Variants in ANGPTL7 observed in about 807,000 individuals in gnomAD.
ANGPTL7 encodes the protein angiopoietin-related protein 7.
Under a neutral mutation model 38.8 loss-of-function variants are expected in ANGPTL7, and 37 were observed. The ratio of observed to expected loss-of-function variants is 0.95; its 90% confidence interval spans 0.73 to 1.25. The LOEUF (loss-of-function observed/expected upper bound fraction) is 1.25. Ranked by LOEUF, ANGPTL7 falls within the 50% of genes most tolerant of loss-of-function variation. ANGPTL7 has a pLI of 0.00. For missense variants in ANGPTL7, 427 were observed against 438.6 expected, an observed-to-expected ratio of 0.97 and a Z score of 0.24; for synonymous variants, 166 against 163.2, an observed-to-expected ratio of 1.02 and a Z score of -0.13.
intron 3 of ANGPTL7, 85 bp from the exon 4 acceptor site, chr1:11,194,376 T>C (rs1009498669): frequency 7.9e-7 from 1 of 1,271,546 alleles, no homozygotes; most frequent in African/African-American, 1.5e-5. Context: ...TGTTTGGCTA[T>C]GGGACTGTCA....
chr1:11,192,586 T>C (rs1390396425), intron 2 of ANGPTL7, among the ~76,000 whole-genome samples: 1 of 151,664 alleles, frequency 6.6e-6, no homozygotes, highest in Non-Finnish European at 1.5e-5. Context: ...TGAAACCCTG[T>C]CTCTACTAAA....
chr1:11,189,532 TC>T lies in ANGPTL7; in HGVS notation c.-46del. ...GCTTTGCAGACCTCAGCTGGGCATC[TC>T]CAGACTCCCCTGAAGGAAGAGCCTT... is the stretch of plus-strand genomic sequence containing the variant. On this transcript the variant is annotated 5_prime_UTR_variant, in exon 1 of 5. Transcript: ENST00000376819. 6.5e-7 allele frequency: 1 copy of T among 1,538,976 alleles called. No homozygotes were observed. Among genetic ancestry groups the T allele is most frequent in the Non-Finnish European group, 8.7e-7 (1 of 1,147,076 alleles).
rs1645639756 is a variant in ANGPTL7, at chr1:11,193,571, C to T, written c.478-9C>T. On this transcript the variant is annotated splice_polypyrimidine_tract_variant and intron_variant, in intron 2 of 4. Transcript: ENST00000376819. ...CAAGTCCCTCACCAGAGTATCCCCT[C>T]TGCTTCAGGTGTTCTGTGACATGGA... 6.4e-7 allele frequency: 1 copy of T among 1,571,874 alleles called. No individual in the cohort carries two copies.
chr1:11,193,528 T>C (rs1280723130), intron 2 of ANGPTL7, 52 bp from the exon 3 acceptor site: 4 of 1,518,690 alleles, frequency 2.6e-6, no homozygotes, highest in Middle Eastern at 1.8e-4. Flanking sequence ...GCCCTCTTGC[T>C]CCTGCCTTCT....
At chr1:11,192,622 G>T (rs1281896843) in intron 2 of ANGPTL7, among the ~76,000 whole-genome samples, 2 of 151,874 alleles carry the variant, frequency 1.3e-5, no homozygotes, top group African/African-American at 4.8e-5. Flanking sequence ...GCCAGGCATG[G>T]TGGTGGGCAC....
In ANGPTL7 at chr1:11,195,181, A is replaced by G. The variant is rs28991014; in HGVS notation, c.*158A>G. On this transcript the variant is annotated 3_prime_UTR_variant, in exon 5 of 5. Transcript: ENST00000376819. ...AGTCTCCAAGGAGCACAAAAAAATC[A>G]TATGTACCAAGGATGTTACAGTAAA... The G allele has an allele frequency of 0.047, 37,821 of 806,382 alleles. 1,160 individuals carry two copies. Among genetic ancestry groups the G allele is most frequent in the Middle Eastern group, 0.073 (196 of 2,670 alleles). 50.0% of individuals were successfully genotyped at this position (806,382 alleles called of 1,614,324 possible). A position where few individuals can be genotyped will look rare whatever the true frequency, so the allele number is the denominator to read the frequency against.
Position 11,193,605 on chromosome 1 carries a change from G to GC in ANGPTL7, c.504dup (p.Gly169ArgfsTer66), listed in dbSNP as rs751345660. ...GTGTTCTGTGACATGGAGACTTCAG[G>GC]CGGAGGCTGGACCATCATCCAGAGA... On this transcript the variant is annotated frameshift_variant, in exon 3 of 5. Transcript: ENST00000376819. LOFTEE classifies it high-confidence loss of function. 6.2e-7 allele frequency: 1 copy of GC among 1,604,360 alleles called. No homozygotes were observed. The highest frequency in any genetic ancestry group is 8.5e-7 in the Non-Finnish European group (1 of 1,174,878).
chr1:11,194,732 A>C, intron 4 of ANGPTL7, 73 bp downstream of exon 4: 1 of 1,606,846 alleles, frequency 6.2e-7, no homozygotes, highest in Non-Finnish European at 8.5e-7. Context: ...GAAAGAGTGA[A>C]TTATAACTGT....
rs201338462 is a variant in ANGPTL7, at chr1:11,192,298, C to T, written c.405C>T (p.Tyr135=). The T allele has an allele frequency of 2.0e-5, 33 of 1,614,008 alleles. No homozygotes were observed. The East Asian group carries it at 7.4e-4, about 36-fold the overall frequency. The change falls in exon 2 of 5, where the codon TAC becomes TAT. Residue 135 remains tyrosine, a synonymous_variant. Coordinates refer to ENST00000376819, the MANE Select transcript of ANGPTL7 (RefSeq NM_021146.4). ...ADAIYDCSSL[Y]QKNYRISGVY... is the part of the protein sequence containing the mutation. Reference sequence around the variant, plus strand: ...CCATCTACGACTGCTCTTCCCTCTACCAGAAGAACTACCGCATCTCTGGAG... The same window carrying T: ...CCATCTACGACTGCTCTTCCCTCTATCAGAAGAACTACCGCATCTCTGGAG...
chr1:11,194,429 C>T (rs1326477749), intron 3 of ANGPTL7, 32 bp from the exon 4 acceptor site: 5 of 1,606,880 alleles, frequency 3.1e-6, no homozygotes, highest in East Asian at 2.2e-5. Flanking sequence ...GAGCCTGCTG[C>T]ACTTTCTTTA....
chr1:11,189,455 A>C lies in ANGPTL7; in HGVS notation c.-125A>C, dbSNP rs1211127611. 26 of 1,178,862 alleles carry C rather than the reference A, an allele frequency of 2.2e-5. No homozygotes were observed. Among genetic ancestry groups the C allele is most frequent in the Non-Finnish European group, 3.1e-5 (26 of 842,296 alleles). 73.0% of individuals were successfully genotyped at this position (1,178,862 alleles called of 1,614,324 possible). On this transcript the variant is annotated 5_prime_UTR_variant, in exon 1 of 5. Transcript: ENST00000376819. ...AGAGCAAGGAAAGAGAGAAAACAAC[A>C]AAGTGGCGAGGCCCTCAGAGTGAAA...
In ANGPTL7 at chr1:11,195,011, C is replaced by A; in HGVS notation, c.1029C>A (p.Asp343Glu). The A allele has an allele frequency of 6.2e-7, 1 of 1,613,652 alleles. No homozygotes were observed. Among genetic ancestry groups the A allele is most frequent in the Non-Finnish European group, 8.5e-7 (1 of 1,179,964 alleles). ...KRVEMKIRPE[D>E]FKP ...TGGAGATGAAAATCCGCCCAGAAGA[C>A]TTCAAGCCTTAAAAGGAGGCTGCCG... Residue 343 changes from aspartate to glutamate, a missense_variant, in exon 5 of 5, where the codon GAC (aspartate) becomes GAA (glutamate). Asp to Glu is a conservative substitution (Grantham distance 45). Transcript: ENST00000376819.
rs572517061 is a variant in ANGPTL7, at chr1:11,192,311, C to T, written c.418C>T (p.Arg140Cys). 44 of 1,614,008 alleles carry T rather than the reference C, an allele frequency of 2.7e-5. No homozygotes were observed. The highest frequency in any genetic ancestry group is 8.8e-5 in the South Asian group (8 of 91,070). The change falls in exon 2 of 5, where the codon CGC becomes TGC. Residue 140 changes from arginine (R) to cysteine (C), a missense_variant. Transcript: ENST00000376819. ...CTCTTCCCTCTACCAGAAGAACTAC[C>T]GCATCTCTGGAGTGTATAAGCTTCC... ...DCSSLYQKNY[R>C]ISGVYKLPPD...
At chr1:11,193,521 C>A in intron 2 of ANGPTL7, 59 bp from the exon 3 acceptor site, 1 of 1,497,394 alleles carries the variant, frequency 6.7e-7, no homozygotes, top group Non-Finnish European at 9.0e-7. Flanking sequence ...GAAGCCTGCC[C>A]TCTTGCTCCT....
rs1459308208 is a variant in ANGPTL7, at chr1:11,189,800, G to A, written c.221G>A (p.Trp74Ter). ...SELNKKQERD[W>*]VSVVMQVMEL... is the part of the protein sequence containing the mutation. The stretch of plus-strand genomic sequence containing the variant: ...CTGAACAAGAAGCAGGAGAGGGACT[G>A]GGTCAGCGTGGTCATGCAGGTGATG... The change falls in exon 1 of 5, where the codon TGG becomes TAG. Residue 74 changes from tryptophan (W) to a stop codon, truncating the protein, a stop_gained. Coordinates refer to ENST00000376819, the MANE Select transcript of ANGPTL7 (RefSeq NM_021146.4). LOFTEE classifies it high-confidence loss of function. 1.2e-6 allele frequency: 2 copies of A among 1,614,212 alleles called. No homozygotes were observed. Among genetic ancestry groups the A allele is most frequent in the South Asian group, 2.2e-5 (2 of 91,082 alleles).
In ANGPTL7 at chr1:11,194,935, A is replaced by G. The variant is rs1645724057; in HGVS notation, c.953A>G (p.Asp318Gly). 6.2e-7 allele frequency: 1 copy of G among 1,614,146 alleles called. No individual in the cohort carries two copies. The highest frequency in any genetic ancestry group is 2.2e-5 in the East Asian group (1 of 44,870). Residue 318 changes from aspartate to glycine, a missense_variant, in exon 5 of 5, where the codon GAT (aspartate) becomes GGT (glycine). Physicochemically the swap from Asp to Gly is moderately conservative, Grantham distance 94. Coordinates refer to ENST00000376819, the MANE Select transcript of ANGPTL7 (RefSeq NM_021146.4). Reference sequence around the variant, plus strand: ...CTGGGTGAGCACAATAAGCACCTGGATGGCATCACCTGGTATGGCTGGCAT... The same window carrying G: ...CTGGGTGAGCACAATAAGCACCTGGGTGGCATCACCTGGTATGGCTGGCAT... ...YRLGEHNKHL[D>G]GITWYGWHGS...
chr1:11,189,527 G>T lies in ANGPTL7; in HGVS notation c.-53G>T. ...CTGCAGCTTTGCAGACCTCAGCTGG[G>T]CATCTCCAGACTCCCCTGAAGGAAG... On this transcript the variant is annotated 5_prime_UTR_variant, in exon 1 of 5. Transcript: ENST00000376819. The T allele has an allele frequency of 6.5e-7, 1 of 1,530,158 alleles. No individual in the cohort carries two copies. The highest frequency in any genetic ancestry group is 8.7e-7 in the Non-Finnish European group (1 of 1,143,696). 94.8% of individuals were successfully genotyped at this position (1,530,158 alleles called of 1,614,324 possible).
chr1:11,191,804 C>T (rs557319830), intron 1 of ANGPTL7, among the ~76,000 whole-genome samples: 1 of 152,278 alleles, frequency 6.6e-6, no homozygotes, highest in South Asian at 2.1e-4. Flanking sequence ...GCAGTAGCCA[C>T]CATCTCTGAA....
rs1645710448 is a variant in ANGPTL7, at chr1:11,194,675, A to C, written c.871+16A>C. 5.0e-6 allele frequency: 8 copies of C among 1,613,966 alleles called. No homozygotes were observed. Among genetic ancestry groups the C allele is most frequent in the Non-Finnish European group, 6.8e-6 (8 of 1,179,948 alleles). Reference sequence around the variant, plus strand: ...CTCCGCAAAGGTGAGATTTGGGGGGACCGGAAAGGAGAAGTTCAGGTACAA... The same window carrying C: ...CTCCGCAAAGGTGAGATTTGGGGGGCCCGGAAAGGAGAAGTTCAGGTACAA... On this transcript the variant is annotated intron_variant, in intron 4 of 4. Transcript: ENST00000376819.
Sources: allele counts gnomAD v4.1 joint callset (sites outside exome capture counted in the v4.1 genomes callset), GRCh38; gene constraint gnomAD v4.1.1; transcripts MANE v1.5; gene names NCBI Gene and HGNC (gene_info 2026-07-23, HGNC 2026-07-21).